Variants in BRD4 observed in about 807,000 individuals in gnomAD.
The protein encoded by BRD4 is bromodomain-containing protein 4.
Under a neutral mutation model 142.1 loss-of-function variants are expected in BRD4, and 16 were observed. The ratio of observed to expected loss-of-function variants is 0.11; its 90% CI spans 0.08 to 0.17. BRD4 has a LOEUF of 0.17. Among genes scored for constraint, BRD4 ranks in the 10% least tolerant of loss-of-function variants. The pLI, the probability that BRD4 is intolerant of heterozygous loss-of-function variation, is 1.00. For missense variants in BRD4, 1,424 were observed against 1,810.9 expected (o/e 0.79, Z 3.88); for synonymous variants, 833 against 707.5 (o/e 1.18, Z -2.82).
At chr19:15,297,069 G>A (rs1322221995) in intron 1 of BRD4, among the ~76,000 whole-genome samples, 1 of 152,166 alleles carries the variant, frequency 6.6e-6, no homozygotes, top group African/African-American at 2.4e-5. Flanking sequence ...GTATCTGTGA[G>A]GAGTAAACAA....
Position 15,243,482 on chromosome 19 carries a change from G to A in BRD4, c.2587C>T (p.His863Tyr), listed in dbSNP as rs2145512436. 1 of 1,560,492 alleles carries A rather than the reference G, an allele frequency of 6.4e-7. No homozygotes were observed. Among genetic ancestry groups the A allele is most frequent in the Non-Finnish European group, 8.6e-7 (1 of 1,157,078 alleles). ...QHAVVSPPAL[H>Y]NALPQQPSRP... ...GATGGCTGCTGGGGTAGTGCGTTGT[G>A]CAAAGCTGGAAGAACACAACACCGA... Residue 863 changes from histidine to tyrosine, a missense_variant, in exon 14 of 20, where the codon CAC (histidine) becomes TAC (tyrosine). Coordinates refer to ENST00000679869, the MANE Select transcript of BRD4 (RefSeq NM_001379291.1).
intron 11 of BRD4, among the ~76,000 whole-genome samples, chr19:15,245,540 T>C (rs964455518): frequency 2.0e-5 from 3 of 152,088 alleles, no homozygotes; most frequent in Admixed American, 1.3e-4. Flanking sequence ...GGCACCACAG[T>C]AGGGTGGATG....
At chr19:15,244,655 G>T in intron 12 of BRD4, 55 bp from the exon 13 acceptor site, 4 of 1,614,002 alleles carry the variant, frequency 2.5e-6, no homozygotes, top group Non-Finnish European at 3.4e-6. Context: ...GGCAGAACTG[G>T]CCCGGGCCAG....
rs1228584874 is a variant in BRD4, at chr19:15,239,202, G to A, written c.3639C>T (p.Pro1213=). 1 of 1,612,950 alleles carries A rather than the reference G, an allele frequency of 6.2e-7. No individual in the cohort carries two copies. The highest frequency in any genetic ancestry group is 1.7e-5 in the Admixed American group (1 of 60,006). ...ASLVQKHPTT[P]SSTAKSSSDS... is the part of the protein sequence containing the mutation. ...CGCTGGATGACTTGGCTGTGGAGGA[G>A]GGGGTGGTCGGATGCTTCTGCACTA... Residue 1213 remains proline (P), a synonymous_variant, in exon 18 of 20, where the codon CCC becomes CCT. Transcript: ENST00000679869. This position sits in a 1 kb window ranked among gnomAD's most constrained non-coding sequence, Gnocchi z 7.4.
Position 15,273,111 on chromosome 19 carries a change from C to T in BRD4, c.-12G>A, listed in dbSNP as rs2047607776. On this transcript the variant is annotated 5_prime_UTR_variant, in exon 2 of 20. The change abolishes an upstream ATG in the 5' untranslated region. Transcript: ENST00000679869. Reference sequence around the variant, plus strand: ...CTCTCCGCAGACATGCTAGTGATCCCATCACATTCTTCACCAGGCACTCTA... The same window carrying T: ...CTCTCCGCAGACATGCTAGTGATCCTATCACATTCTTCACCAGGCACTCTA... 6.4e-7 allele frequency: 1 copy of T among 1,569,238 alleles called. No homozygotes were observed. The highest frequency in any genetic ancestry group is 1.4e-5 in the African/African-American group (1 of 73,900).
chr19:15,321,231 TGGGAAA>T (rs1185573611), intron 1 of BRD4, among the ~76,000 whole-genome samples: 1 of 130,596 alleles, frequency 7.7e-6, no homozygotes, highest in Admixed American at 7.9e-5. Flanking sequence ...CAAGAAAGAA[TGGGAAA>T]GGGAAAGGAA....
intron 11 of BRD4, among the ~76,000 whole-genome samples, chr19:15,250,853 A>G (rs1285734915): frequency 1.3e-5 from 2 of 152,214 alleles, no homozygotes; most frequent in Admixed American, 1.3e-4. Context: ...GCAAAGCCAC[A>G]GTACTGTCCA....
chr19:15,318,924 A>G (rs969408205), intron 1 of BRD4, among the ~76,000 whole-genome samples: 4 of 152,266 alleles, frequency 2.6e-5, no homozygotes, highest in Non-Finnish European at 5.9e-5. Flanking sequence ...CACTGTTGAC[A>G]CGTTACCTGA....
chr19:15,237,805 G>A lies in BRD4; in HGVS notation c.*572C>T. The A allele has an allele frequency of 4.3e-6, 1 of 232,752 alleles. No homozygotes were observed. Among genetic ancestry groups the A allele is most frequent in the Non-Finnish European group, 8.5e-6 (1 of 118,024 alleles). The allele number at this position is 232,752 out of a possible 1,614,324, so 14.4% of individuals were successfully genotyped here. On this transcript the variant is annotated 3_prime_UTR_variant, in exon 20 of 20. Transcript: ENST00000679869. ...CACAAGCAAACACTTACAGAGAGCG[G>A]CTCTCAATTAAAGGCTTGTGGGGGA...
rs796573542 is a variant in BRD4, at chr19:15,237,260, T to A, written c.*1117A>T. The A allele has an allele frequency of 4.6e-4, 13 of 28,052 alleles. No homozygotes were observed. Among genetic ancestry groups the A allele is most frequent in the Admixed American group, 7.3e-4 (1 of 1,374 alleles). 1.7% of individuals were successfully genotyped at this position (28,052 alleles called of 1,614,324 possible). On this transcript the variant is annotated 3_prime_UTR_variant, in exon 20 of 20. Transcript: ENST00000679869. ...AACAAATGGGTGGGGGGGGGGGGGG[T>A]GGAGGGGAAAGAAAAGAAATTGTAG...
At chr19:15,301,486 G>A (rs1352978399) in intron 1 of BRD4, among the ~76,000 whole-genome samples, 1 of 151,788 alleles carries the variant, frequency 6.6e-6, no homozygotes, top group African/African-American at 2.4e-5. Flanking sequence ...ACTTGAACCC[G>A]AGAGGCAGAG....
intron 7 of BRD4, among the ~76,000 whole-genome samples, chr19:15,259,983 C>T (rs550877396): frequency 3.9e-5 from 6 of 152,198 alleles, no homozygotes; most frequent in East Asian, 1.9e-4. Context: ...TGAGGGGTAG[C>T]AGGCACCAGC....
intron 1 of BRD4, among the ~76,000 whole-genome samples, chr19:15,328,379 T>C (rs1195939915): frequency 1.3e-5 from 2 of 152,162 alleles, no homozygotes; most frequent in Non-Finnish European, 2.9e-5. Flanking sequence ...CTCTTGAAAA[T>C]ACTTTTGGCA....
chr19:15,237,430 A>G lies in BRD4; in HGVS notation c.*947T>C, dbSNP rs1414716952. ...ACACCAGTTTGGTGGAGTCACCAAC[A>G]AACTTCAAACAAAGATATGCCAACT... is the stretch of plus-strand genomic sequence containing the variant. On this transcript the variant is annotated 3_prime_UTR_variant, in exon 20 of 20. Coordinates refer to ENST00000679869, the MANE Select transcript of BRD4 (RefSeq NM_001379291.1). 2 of 224,180 alleles carry G rather than the reference A, an allele frequency of 8.9e-6. No homozygotes were observed. Among genetic ancestry groups the G allele is most frequent in the East Asian group, 1.3e-4 (2 of 15,624 alleles). 13.9% of individuals were successfully genotyped at this position (224,180 alleles called of 1,614,324 possible).
chr19:15,242,674 C>T (rs996542467), intron 14 of BRD4, among the ~76,000 whole-genome samples: 18 of 152,228 alleles, frequency 1.2e-4, no homozygotes, highest in Admixed American at 7.9e-4. Flanking sequence ...AAGAGAGGGA[C>T]CAGAGGGGCC....
In BRD4 at chr19:15,274,049, T is replaced by C. The variant is rs540867990; in HGVS notation, c.-34-916A>G. Among the ~76,000 whole-genome samples the C allele has an allele frequency of 6.6e-5, 10 of 152,318 alleles. No individual in the cohort carries two copies. The East Asian group carries it at 9.6e-4, about 15-fold the overall frequency. On this transcript the variant is annotated intron_variant, in intron 1 of 19. Transcript: ENST00000679869. ...ATTTTAAAAGCTCCAAACGGAGAAT[T>C]TGCTACATAAAGCAACTCCATGGAC...
chr19:15,265,869 A>T (rs1164822865), intron 4 of BRD4, among the ~76,000 whole-genome samples: 1 of 151,890 alleles, frequency 6.6e-6, no homozygotes, highest in African/African-American at 2.4e-5. Flanking sequence ...CCTGGCTGCA[A>T]CTCCCAACTC....
intron 1 of BRD4, among the ~76,000 whole-genome samples, chr19:15,305,550 T>C (rs1439348964): frequency 1.3e-5 from 2 of 152,268 alleles, no homozygotes; most frequent in African/African-American, 2.4e-5. Context: ...TAAAATATTC[T>C]GCAAATGATG....
rs2047221607 is a variant in BRD4 at position 15,239,578 on chromosome 19, C to A, written c.3446-56G>T. 8.3e-6 allele frequency: 13 copies of A among 1,566,526 alleles called. No individual in the cohort carries two copies. The highest frequency in any genetic ancestry group is 1.1e-5 in the Non-Finnish European group (13 of 1,161,968). ...CCACCTCACCCCAGTGGGGCATGGTCCACCAGCCCCACAGCAAGCTTATGT... is the reference window on the plus strand; with the variant it reads ...CCACCTCACCCCAGTGGGGCATGGTACACCAGCCCCACAGCAAGCTTATGT... On this transcript the variant is annotated intron_variant, in intron 16 of 19. Coordinates refer to ENST00000679869, the MANE Select transcript of BRD4 (RefSeq NM_001379291.1). The surrounding 1 kb of genome is among the most constrained non-coding windows in gnomAD (Gnocchi z 7.4).
Sources: gnomAD v4.1 joint callset for allele counts (sites outside exome capture counted in the v4.1 genomes callset) on GRCh38, gnomAD v4.1.1 for gene constraint, Gnocchi (gnomAD v3.1) non-coding constraint, MANE v1.5 for transcripts, NCBI Gene and HGNC (gene_info 2026-07-23, HGNC 2026-07-21) for gene names.